The following HDAC9 variants were observed in gnomAD, a reference collection of about 807,000 sequenced individuals.
The protein encoded by HDAC9 is histone deacetylase 9.
A neutral mutation model predicts 139.4 loss-of-function variants in HDAC9; 41 were observed. That is an observed-to-expected ratio of 0.29 (90% confidence interval 0.23 to 0.38). The LOEUF is 0.38. Ranked by LOEUF, HDAC9 falls within the 10% of genes least tolerant of loss-of-function variation. The probability of loss-of-function intolerance (pLI) is 1.00; values close to 1 mark genes in which losing one functional copy is unlikely to be tolerated. For missense variants in HDAC9, 1,147 were observed against 1,297.0 expected, an observed-to-expected ratio of 0.88 and a Z score of 1.78; for synonymous variants, 517 against 476.2, an observed-to-expected ratio of 1.09 and a Z score of -1.12.
intron 2 of HDAC9, among the ~76,000 whole-genome samples, chr7:18,246,742 A>G (rs558463146): frequency 1.3e-5 from 2 of 152,214 alleles, no homozygotes; most frequent in South Asian, 4.2e-4. Context: ...AACATTCCAG[A>G]GTTTTATACC....
chr7:18,976,177 G>C (rs1388574367), intron 25 of HDAC9, among the ~76,000 whole-genome samples: 18 of 152,236 alleles, frequency 1.2e-4, no homozygotes, highest in Admixed American at 1.1e-3. Flanking sequence ...GCAGTTCACA[G>C]AGAAATAGAG....
At chr7:18,118,734 A>T (rs1363378634) in intron 1 of HDAC9, among the ~76,000 whole-genome samples, 2 of 152,150 alleles carry the variant, frequency 1.3e-5, no homozygotes, top group Non-Finnish European at 2.9e-5. Context: ...ATCCTTGTCT[A>T]TTTTGTATCC....
intron 25 of HDAC9, among the ~76,000 whole-genome samples, chr7:18,989,762 C>A (rs543846235): frequency 0.14 from 9,939 of 70,120 alleles, 1,759 homozygotes; most frequent in African/African-American, 0.31. Context: ...TCTTCTTATG[C>A]TTTTTTCTCT....
At chr7:18,175,219 A>G (rs973327693) in intron 2 of HDAC9, among the ~76,000 whole-genome samples, 5 of 152,138 alleles carry the variant, frequency 3.3e-5, no homozygotes, top group African/African-American at 1.2e-4. Flanking sequence ...TCAGATTGCC[A>G]CGCTAGCAGT....
At chr7:18,609,100 G>A (rs1048375355) in intron 6 of HDAC9, among the ~76,000 whole-genome samples, 6 of 152,138 alleles carry the variant, frequency 3.9e-5, no homozygotes, top group African/African-American at 1.4e-4. Flanking sequence ...GTAATACAGA[G>A]GTAATTAAGA....
chr7:18,705,861 AAAT>A (rs1483849524), intron 12 of HDAC9, among the ~76,000 whole-genome samples: 2 of 123,130 alleles, frequency 1.6e-5, no homozygotes, highest in African/African-American at 1.1e-4. Flanking sequence ...TCAAAAAAAA[AAAT>A]AAAATAAAAT....
At chr7:18,557,038 A>G (rs975072824) in intron 2 of HDAC9, among the ~76,000 whole-genome samples, 9 of 152,028 alleles carry the variant, frequency 5.9e-5, no homozygotes, top group African/African-American at 2.2e-4. Flanking sequence ...ACCTGGTGAC[A>G]GTTTATTAGG....
intron 1 of HDAC9, among the ~76,000 whole-genome samples, chr7:18,481,523 G>A (rs1243137901): frequency 6.6e-6 from 1 of 152,064 alleles, no homozygotes; most frequent in Admixed American, 6.5e-5. Context: ...GGTTATAAGG[G>A]TTATACTTGG....
chr7:18,897,329 A>G (rs1398894185), intron 22 of HDAC9, among the ~76,000 whole-genome samples: 1 of 152,020 alleles, frequency 6.6e-6, no homozygotes, highest in Non-Finnish European at 1.5e-5. Context: ...TTATTGAATA[A>G]TTCTCGAAAA....
chr7:18,112,583 G>A (rs1264818174), intron 1 of HDAC9, among the ~76,000 whole-genome samples: 1 of 152,170 alleles, frequency 6.6e-6, no homozygotes, highest in Non-Finnish European at 1.5e-5. Context: ...AACCTACCAG[G>A]TTTGGTAAGT....
intron 1 of HDAC9, among the ~76,000 whole-genome samples, chr7:18,400,071 A>G (rs1787397919): frequency 6.6e-6 from 1 of 152,134 alleles, no homozygotes. Flanking sequence ...GTTATGGGTG[A>G]GTCTTTCTTT....
intron 1 of HDAC9, among the ~76,000 whole-genome samples, chr7:18,385,560 G>A (rs1785842746): frequency 6.6e-6 from 1 of 152,096 alleles, no homozygotes; most frequent in Admixed American, 6.5e-5. Flanking sequence ...TCTGTTGACA[G>A]GAGAGTATTA....
chr7:18,377,852 A>G (rs1785113451), intron 1 of HDAC9, among the ~76,000 whole-genome samples: 1 of 152,144 alleles, frequency 6.6e-6, no homozygotes, highest in Non-Finnish European at 1.5e-5. Context: ...TTTTATTTTT[A>G]TTATTTTTCC....
At chr7:18,585,797 G>A (rs753025077) in intron 3 of HDAC9, among the ~76,000 whole-genome samples, 4 of 151,922 alleles carry the variant, frequency 2.6e-5, no homozygotes, top group East Asian at 1.9e-4. Flanking sequence ...TCTCTCCTAC[G>A]TGATTTTGTT....
chr7:18,920,098 T>C (rs1335775912), intron 22 of HDAC9, among the ~76,000 whole-genome samples: 1 of 152,152 alleles, frequency 6.6e-6, no homozygotes, highest in Non-Finnish European at 1.5e-5. Flanking sequence ...AGTATGGCCA[T>C]TTTCACAAGA....
At chr7:18,939,109 G>A (rs1271468076) in intron 23 of HDAC9, among the ~76,000 whole-genome samples, 2 of 152,116 alleles carry the variant, frequency 1.3e-5, no homozygotes, top group Non-Finnish European at 2.9e-5. Flanking sequence ...TTATTATGAT[G>A]CCCTAAATAC....
intron 12 of HDAC9, chr7:18,668,737 T>C (rs1014249142): frequency 1.0e-6 from 1 of 978,384 alleles, no homozygotes; most frequent in African/African-American, 1.8e-5. Context: ...TTTACACCCT[T>C]GAAGGTGATC....
intron 21 of HDAC9, among the ~76,000 whole-genome samples, chr7:18,846,472 A>C (rs1457069984): frequency 2.6e-5 from 4 of 152,250 alleles, no homozygotes; most frequent in South Asian, 2.1e-4. Context: ...GGTTATTGAC[A>C]AAATGTAAGC....
chr7:18,690,744 G>A (rs527875026), intron 12 of HDAC9, among the ~76,000 whole-genome samples: 1 of 152,030 alleles, frequency 6.6e-6, no homozygotes, highest in African/African-American at 2.4e-5. Context: ...AATAAAGACA[G>A]GACAAAGTAA....
Sources: gnomAD v4.1 joint callset for allele counts (sites outside exome capture counted in the v4.1 genomes callset) on GRCh38, gnomAD v4.1.1 for gene constraint, MANE v1.5 for transcripts, NCBI Gene and HGNC (gene_info 2026-07-23, HGNC 2026-07-21) for gene names.